The following NTRK2 variants were observed in gnomAD, a reference collection of about 807,000 sequenced individuals.
The protein encoded by NTRK2 is BDNF/NT-3 growth factors receptor.
In NTRK2, 13 loss-of-function variants were observed where a neutral mutation model predicts 94.5. The ratio of observed to expected loss-of-function variants is 0.14; its 90% confidence interval spans 0.09 to 0.22. The LOEUF (loss-of-function observed/expected upper bound fraction) is 0.22. Among genes scored for constraint, NTRK2 ranks in the 10% least tolerant of loss-of-function variants. NTRK2 has a pLI of 1.00. For synonymous variants in NTRK2, 372 were observed against 407.4 expected (o/e 0.91, Z 1.05); for missense variants, 639 against 1,071.2 (o/e 0.60, Z 5.63).
At chr9:84,930,317 G>A (rs569600577) in intron 14 of NTRK2, among the ~76,000 whole-genome samples, 1 of 152,324 alleles carries the variant, frequency 6.6e-6, no homozygotes, top group East Asian at 1.9e-4. Context: ...GCCTTTCTGA[G>A]CTCGGCCCCT....
chr9:84,671,763 C>T (rs902336521), intron 2 of NTRK2, among the ~76,000 whole-genome samples: 5 of 152,202 alleles, frequency 3.3e-5, no homozygotes, highest in African/African-American at 1.2e-4. Context: ...CTCTGTGTCC[C>T]TGGAAATGTT....
At chr9:84,741,095 T>TGGA (rs2063614214) in intron 9 of NTRK2, among the ~76,000 whole-genome samples, 1 of 152,192 alleles carries the variant, frequency 6.6e-6, no homozygotes, top group African/African-American at 2.4e-5. Flanking sequence ...TAGCTCTGAT[T>TGGA]GGAGAATAAG....
In NTRK2 at chr9:84,823,090, A is replaced by AT. The variant is rs1000540540; in HGVS notation, c.1397-37938dup. On this transcript the variant is annotated intron_variant, in intron 12 of 18. Transcript: ENST00000277120. ...GGTTAAAAGGGCTTCTACTACAATC[A>AT]TTTTTTTTTTTTAAAAGTACCCAGG... Among the ~76,000 whole-genome samples the AT allele has an allele frequency of 2.1e-3, 306 of 146,018 alleles. 3 individuals carry two copies. The highest frequency in any genetic ancestry group is 5.8e-3 in the African/African-American group (231 of 40,018).
intron 14 of NTRK2, among the ~76,000 whole-genome samples, chr9:84,908,462 A>C (rs2077141109): frequency 1.3e-5 from 2 of 152,246 alleles, no homozygotes; most frequent in African/African-American, 4.8e-5. Flanking sequence ...AAAATAAAAC[A>C]AAACAAAGAG....
At chr9:84,962,699 C>T (rs1457173018) in intron 17 of NTRK2, among the ~76,000 whole-genome samples, 1 of 152,170 alleles carries the variant, frequency 6.6e-6, no homozygotes, top group East Asian at 1.9e-4. Flanking sequence ...AGTTTTGAAA[C>T]AGTTGGGCCT....
chr9:84,979,546 G>T (rs916609640), intron 17 of NTRK2, among the ~76,000 whole-genome samples: 4 of 152,216 alleles, frequency 2.6e-5, no homozygotes, highest in Non-Finnish European at 5.9e-5. Flanking sequence ...CCTGGTGAAG[G>T]TGTTGTAAAC....
intron 12 of NTRK2, among the ~76,000 whole-genome samples, chr9:84,838,521 G>T (rs1027019810): frequency 2.0e-5 from 3 of 152,054 alleles, no homozygotes; most frequent in Admixed American, 1.3e-4. Flanking sequence ...ATGAGATCAA[G>T]ATGTTATTAT....
chr9:84,902,615 A>C (rs186266511), intron 14 of NTRK2, among the ~76,000 whole-genome samples: 22 of 152,350 alleles, frequency 1.4e-4, no homozygotes, highest in South Asian at 4.1e-4. Context: ...AAAGGGAAGC[A>C]GGCAAACGAA....
chr9:84,806,075 CTATTGT>C (rs1459339836), intron 12 of NTRK2, among the ~76,000 whole-genome samples: 2 of 152,212 alleles, frequency 1.3e-5, no homozygotes, highest in Non-Finnish European at 2.9e-5. Context: ...TTAGACCTTA[CTATTGT>C]GAAACCAAAA....
At chr9:84,834,777 G>A (rs2073773638) in intron 12 of NTRK2, among the ~76,000 whole-genome samples, 1 of 152,178 alleles carries the variant, frequency 6.6e-6, no homozygotes, top group African/African-American at 2.4e-5. Flanking sequence ...TCATGGGACT[G>A]AGATCTGTGC....
rs569914003 is a variant in NTRK2 at position 84,969,604 on chromosome 9, G to A, written c.2172+14087G>A. Among the ~76,000 whole-genome samples, 5 of 152,268 alleles carry A rather than the reference G, an allele frequency of 3.3e-5. No homozygotes were observed. In the South Asian group the frequency reaches 6.2e-4, roughly 19 times the overall value. ...ACATTAAATAATGAGATCTTTTGGC[G>A]GTCTAATAGCTATTAAAATTTCAAA... On this transcript the variant is annotated intron_variant, in intron 17 of 18. Coordinates refer to ENST00000277120, the MANE Select transcript of NTRK2 (RefSeq NM_006180.6).
At chr9:84,812,762 A>AG in intron 12 of NTRK2, 1 of 1,039,790 alleles carries the variant, frequency 9.6e-7, no homozygotes, top group Non-Finnish European at 1.2e-6. Flanking sequence ...AGACCCAAAA[A>AG]GGAAAAATAA....
At chr9:84,854,721 C>T (rs979942912) in intron 12 of NTRK2, among the ~76,000 whole-genome samples, 24 of 151,958 alleles carry the variant, frequency 1.6e-4, no homozygotes, top group Non-Finnish European at 1.8e-4. Flanking sequence ...CCGAGGCTGG[C>T]GGATCACTTG....
intron 17 of NTRK2, among the ~76,000 whole-genome samples, chr9:84,975,704 G>T (rs939620033): frequency 6.6e-6 from 1 of 151,978 alleles, no homozygotes; most frequent in Admixed American, 6.6e-5. Flanking sequence ...AATCTTTTTA[G>T]CAATTCCCAC....
chr9:84,754,999 C>T (rs2132542074), intron 12 of NTRK2, among the ~76,000 whole-genome samples: 1 of 152,320 alleles, frequency 6.6e-6, no homozygotes, highest in Admixed American at 6.5e-5. Context: ...CTTAAGGTCA[C>T]CACACTACAG....
chr9:84,703,517 A>G (rs1156690710), intron 4 of NTRK2, among the ~76,000 whole-genome samples: 1 of 152,206 alleles, frequency 6.6e-6, no homozygotes, highest in Non-Finnish European at 1.5e-5. Context: ...AGACTTTCTT[A>G]TAAGGTTCGT....
intron 14 of NTRK2, among the ~76,000 whole-genome samples, chr9:84,910,346 C>T (rs948847907): frequency 1.3e-5 from 2 of 152,102 alleles, no homozygotes; most frequent in Non-Finnish European, 2.9e-5. Flanking sequence ...AGAACTCTTC[C>T]CTTCCCTTGT....
At chr9:84,813,992 A>G in intron 12 of NTRK2, 1 of 1,065,346 alleles carries the variant, frequency 9.4e-7, no homozygotes, top group Non-Finnish European at 1.1e-6. Context: ...ACAAAAGTAC[A>G]AACAGTCTGA....
intron 14 of NTRK2, among the ~76,000 whole-genome samples, chr9:84,931,417 A>AAG (rs1564475799): frequency 3.0e-5 from 3 of 101,126 alleles, no homozygotes; most frequent in African/African-American, 1.2e-4. Flanking sequence ...AAAAAAAAAA[A>AAG]GAGAGAGAGA....
Sources: gnomAD v4.1 joint callset for allele counts (sites outside exome capture counted in the v4.1 genomes callset) on GRCh38, gnomAD v4.1.1 for gene constraint, MANE v1.5 for transcripts, NCBI Gene and HGNC (gene_info 2026-07-23, HGNC 2026-07-21) for gene names.